The following ZSCAN5A variants were observed in gnomAD, a reference collection of about 807,000 sequenced individuals.
The protein encoded by ZSCAN5A is zinc finger and SCAN domain containing 5A.
A neutral mutation model predicts 23.7 loss-of-function variants in ZSCAN5A; 12 were observed. That is an observed-to-expected ratio of 0.51 (90% CI 0.32 to 0.82). The LOEUF (loss-of-function observed/expected upper bound fraction) is 0.82. Among genes scored for constraint, ZSCAN5A ranks in the 40% least tolerant of loss-of-function variants. The pLI is 0.03. For missense variants in ZSCAN5A, 597 were observed against 617.9 expected (o/e 0.97, Z 0.36); for synonymous variants, 257 against 239.9 (o/e 1.07, Z -0.66).
intron 2 of ZSCAN5A, among the ~76,000 whole-genome samples, chr19:56,227,359 A>G (rs778378952): frequency 2.6e-5 from 4 of 152,218 alleles, no homozygotes; most frequent in Non-Finnish European, 1.5e-5. Context: ...ATGATAGAGA[A>G]AAGGGAGCCT....
chr19:56,266,804 C>T (rs535130747), intron 2 of ZSCAN5A: 1 of 152,186 alleles, frequency 6.6e-6, no homozygotes, highest in Non-Finnish European at 1.5e-5. Flanking sequence ...TAATAGAGAA[C>T]CAAGTGGGTG....
intron 2 of ZSCAN5A, among the ~76,000 whole-genome samples, chr19:56,257,261 G>A (rs1053202729): frequency 2.0e-5 from 3 of 152,128 alleles, no homozygotes; most frequent in Admixed American, 2.0e-4. Context: ...GGAGAGATTC[G>A]AGTGAGATTT....
chr19:56,305,600 G>T lies in ZSCAN5A; in HGVS notation c.-128+7683C>A, dbSNP rs1220054042. Among the ~76,000 whole-genome samples, 5 of 152,166 alleles carry T rather than the reference G, an allele frequency of 3.3e-5. No individual in the cohort carries two copies. In the East Asian group the frequency reaches 7.7e-4, roughly 23 times the overall value. ...TGGGGTACAAACTAGGAGTGGAATT[G>T]CTAGGTCATATGATAATTCTGTGTT... On this transcript the variant is annotated intron_variant, in intron 2 of 5. Coordinates refer to ENST00000683990, the MANE Select transcript of ZSCAN5A (RefSeq NM_001322064.3).
chr19:56,233,849 C>A (rs1039383370), intron 2 of ZSCAN5A, among the ~76,000 whole-genome samples: 2 of 152,034 alleles, frequency 1.3e-5, no homozygotes, highest in African/African-American at 4.8e-5. Context: ...GATGCAAATG[C>A]GGAGCCACCC....
chr19:56,338,546 T>C (rs2041562753), intron 2 of ZSCAN5A: 2 of 152,216 alleles, frequency 1.3e-5, no homozygotes, highest in South Asian at 4.1e-4. Context: ...GGCGGGTTAC[T>C]TTCCAGGAAG....
chr19:56,321,863 A>G (rs1034374312), intron 2 of ZSCAN5A: 2 of 834,322 alleles, frequency 2.4e-6, no homozygotes, highest in Admixed American at 3.4e-5. Flanking sequence ...ATGGGGAGAA[A>G]TTTCTGGCAG....
chr19:56,299,641 A>G (rs2040102482), intron 2 of ZSCAN5A, among the ~76,000 whole-genome samples: 2 of 152,242 alleles, frequency 1.3e-5, no homozygotes, highest in African/African-American at 4.8e-5. Context: ...TATAAATAGC[A>G]TAATGCTTGC....
chr19:56,301,415 C>T (rs2040220935), intron 2 of ZSCAN5A, among the ~76,000 whole-genome samples: 2 of 152,036 alleles, frequency 1.3e-5, no homozygotes, highest in Admixed American at 6.6e-5. Flanking sequence ...TGTCTCTTAG[C>T]CTGCTAATGC....
At chr19:56,285,080 T>C (rs1347080657) in intron 2 of ZSCAN5A, 8 of 902,936 alleles carry the variant, frequency 8.9e-6, no homozygotes, top group African/African-American at 1.8e-5. Context: ...CGCAAGGTAA[T>C]GTAGACTTAT....
intron 2 of ZSCAN5A, among the ~76,000 whole-genome samples, chr19:56,247,849 G>T (rs938432479): frequency 6.6e-5 from 10 of 151,882 alleles, no homozygotes; most frequent in Admixed American, 2.0e-4. Flanking sequence ...CTGCCACCAT[G>T]CCCGGCTAAT....
intron 2 of ZSCAN5A, among the ~76,000 whole-genome samples, chr19:56,270,353 G>A (rs1045414627): frequency 5.9e-5 from 9 of 152,226 alleles, no homozygotes; most frequent in Admixed American, 6.5e-5. Flanking sequence ...AGGAGGCGGA[G>A]GCTTGCAGTG....
intron 2 of ZSCAN5A, among the ~76,000 whole-genome samples, chr19:56,308,279 G>A (rs1358789180): frequency 8.6e-5 from 13 of 151,446 alleles, no homozygotes; most frequent in East Asian, 5.9e-4. Context: ...TGATCCGCCC[G>A]CCTCGGCCTC....
chr19:56,264,863 T>G (rs765368864), intron 2 of ZSCAN5A, among the ~76,000 whole-genome samples: 1 of 152,240 alleles, frequency 6.6e-6, no homozygotes, highest in Non-Finnish European at 1.5e-5. Flanking sequence ...GGCTCATGCC[T>G]GTAATCCCAG....
At chr19:56,241,568 A>T (rs2035428749) in intron 2 of ZSCAN5A, among the ~76,000 whole-genome samples, 1 of 152,230 alleles carries the variant, frequency 6.6e-6, no homozygotes, top group Non-Finnish European at 1.5e-5. Flanking sequence ...GCCTTACTTT[A>T]TGTACTAATC....
chr19:56,235,355 T>C (rs67236929), intron 2 of ZSCAN5A, among the ~76,000 whole-genome samples: 5 of 9,648 alleles, frequency 5.2e-4, no homozygotes, highest in Admixed American at 1.3e-3. Flanking sequence ...GTGGGCCAAG[T>C]CTCCACTCCA....
At chr19:56,274,176 G>A (rs954551923) in intron 2 of ZSCAN5A, among the ~76,000 whole-genome samples, 2 of 152,042 alleles carry the variant, frequency 1.3e-5, no homozygotes, top group African/African-American at 2.4e-5. Flanking sequence ...TGTAGAGGTC[G>A]GGCGCGGTGG....
At position 56,281,628 on chromosome 19, in the gene ZSCAN5A, T is replaced by C. The variant is rs1055238392; in HGVS notation, c.-128+31655A>G. The C allele has an allele frequency of 3.6e-5, 32 of 889,596 alleles. No individual in the cohort carries two copies. In the African/African-American group the frequency reaches 5.1e-4, roughly 14 times the overall value. The allele number at this position is 889,596 out of a possible 1,614,324, so 55.1% of individuals were successfully genotyped here. ...CAGAGATGGATGATGTTAATATTAATTCCACTCTCTTCCTTGAATTTTCCA... is the reference window on the plus strand; with the variant it reads ...CAGAGATGGATGATGTTAATATTAACTCCACTCTCTTCCTTGAATTTTCCA... On this transcript the variant is annotated intron_variant, in intron 2 of 5. Coordinates refer to ENST00000683990, the MANE Select transcript of ZSCAN5A (RefSeq NM_001322064.3).
At chr19:56,282,206 A>C (rs545550012) in intron 2 of ZSCAN5A, among the ~76,000 whole-genome samples, 1 of 152,216 alleles carries the variant, frequency 6.6e-6, no homozygotes, top group East Asian at 1.9e-4. Context: ...GACCTTCCTT[A>C]TGCTAGAAAT....
intron 2 of ZSCAN5A, among the ~76,000 whole-genome samples, chr19:56,303,777 T>A (rs1182442293): frequency 6.6e-6 from 1 of 151,186 alleles, no homozygotes; most frequent in African/African-American, 2.4e-5. Flanking sequence ...TATCACAGAG[T>A]GAGCAGCCAT....
Sources: allele counts gnomAD v4.1 joint callset (sites outside exome capture counted in the v4.1 genomes callset), GRCh38; gene constraint gnomAD v4.1.1; transcripts MANE v1.5; gene names NCBI Gene and HGNC (gene_info 2026-07-23, HGNC 2026-07-21).